Variants in CNTNAP3B observed in about 807,000 individuals in gnomAD.
CNTNAP3B encodes contactin-associated protein-like 3B.
Under a neutral mutation model 108.9 loss-of-function variants are expected in CNTNAP3B, and 25 were observed. That is an observed-to-expected ratio of 0.23 (90% CI 0.17 to 0.32). The LOEUF (loss-of-function observed/expected upper bound fraction) is 0.32. Ranked by LOEUF, CNTNAP3B falls within the 10% of genes least tolerant of loss-of-function variation. The probability of loss-of-function intolerance (pLI) is 1.00; values close to 1 mark genes in which losing one functional copy is unlikely to be tolerated. For synonymous variants in CNTNAP3B, 103 were observed against 473.4 expected, an observed-to-expected ratio of 0.22 and a Z score of 10.16; for missense variants, 252 against 1,210.4, an observed-to-expected ratio of 0.21 and a Z score of 11.75.
chr9:42,036,022 C>T (rs1347996646), intron 3 of CNTNAP3B, among the ~76,000 whole-genome samples: 14 of 147,248 alleles, frequency 9.5e-5, no homozygotes, highest in African/African-American at 2.3e-4. Context: ...GCAGGAGAAT[C>T]GCTTGAACCT....
At chr9:41,993,476 GA>G (rs1273829114) in intron 7 of CNTNAP3B, 1 of 109,992 alleles carries the variant, frequency 9.1e-6, no homozygotes, top group African/African-American at 3.6e-5. Flanking sequence ...TTCATGACAA[GA>G]AAACATTTGC....
chr9:42,064,310 C>T lies in CNTNAP3B; in HGVS notation c.390+12559G>A, dbSNP rs1300942432. Among the ~76,000 whole-genome samples, 3 of 147,484 alleles carry T rather than the reference C, an allele frequency of 2.0e-5. No homozygotes were observed. The East Asian group carries it at 6.0e-4, about 29-fold the overall frequency. Reference sequence around the variant, plus strand: ...TCAAGGTGGTGGCATCTGTGAAGGCCTTCTTGCTGTGTCATAACAAGGCAG... The same window carrying T: ...TCAAGGTGGTGGCATCTGTGAAGGCTTTCTTGCTGTGTCATAACAAGGCAG... On this transcript the variant is annotated intron_variant, in intron 3 of 23. Transcript: ENST00000377561.
intron 3 of CNTNAP3B, among the ~76,000 whole-genome samples, chr9:42,047,659 C>T (rs973221926): frequency 8.7e-5 from 1 of 11,554 alleles, no homozygotes; most frequent in African/African-American, 2.0e-4. Context: ...TTCCCCCCTC[C>T]CCCCTTCTGC....
intron 3 of CNTNAP3B, among the ~76,000 whole-genome samples, chr9:42,053,864 G>A (rs1351594673): frequency 1.4e-5 from 2 of 145,450 alleles, no homozygotes; most frequent in Admixed American, 6.8e-5. Flanking sequence ...TTTTGAGACA[G>A]CGATGCGCTG....
chr9:41,958,608 G>T lies in CNTNAP3B; in HGVS notation c.1876+2165C>A, dbSNP rs1316808779. 2.6e-5 allele frequency among the ~76,000 whole-genome samples: 4 copies of T among 151,898 alleles called. No homozygotes were observed. In the East Asian group the frequency reaches 5.8e-4, roughly 22 times the overall value. ...CCTCTGGGCTGTGACCTTCACAAGA[G>T]CTTCTCAGCCCTCCCTCCCATCACC... is the stretch of plus-strand genomic sequence containing the variant. On this transcript the variant is annotated intron_variant, in intron 12 of 23. Coordinates refer to ENST00000377561, the MANE Select transcript of CNTNAP3B (RefSeq NM_001201380.3).
intron 13 of CNTNAP3B, among the ~76,000 whole-genome samples, chr9:41,941,515 TA>T (rs1240266611): frequency 2.0e-5 from 3 of 150,014 alleles, no homozygotes; most frequent in African/African-American, 4.9e-5. Flanking sequence ...AATACACCCT[TA>T]AAAAAATGAG....
chr9:42,098,525 G>A lies in CNTNAP3B; in HGVS notation c.196+6104C>T, dbSNP rs564491488. Among the ~76,000 whole-genome samples, 22 of 92,688 alleles carry A rather than the reference G, an allele frequency of 2.4e-4. No homozygotes were observed. In the South Asian group the frequency reaches 7.8e-3, roughly 33 times the overall value. 60.8% of individuals were successfully genotyped at this position (92,688 alleles called of 152,430 possible). A position where few individuals can be genotyped will look rare whatever the true frequency, so the allele number is the denominator to read the frequency against. On this transcript the variant is annotated intron_variant, in intron 2 of 23. Transcript: ENST00000377561. ...ATGAACCTGGGAGGTGGAGCTTGCA[G>A]TGAGCAGAGATCATGCCACTGCACT...
intron 3 of CNTNAP3B, among the ~76,000 whole-genome samples, chr9:42,026,582 C>T (rs1426455117): frequency 1.1e-5 from 1 of 90,908 alleles, no homozygotes; most frequent in Non-Finnish European, 2.3e-5. Flanking sequence ...ACAGAGTGAG[C>T]CTCCGTCTCA....
intron 1 of CNTNAP3B, among the ~76,000 whole-genome samples, chr9:42,128,022 C>T (rs1564203080): frequency 7.2e-6 from 1 of 138,438 alleles, no homozygotes; most frequent in Non-Finnish European, 1.5e-5. Flanking sequence ...AGGCTGACAG[C>T]AGGGAGATGC....
At chr9:42,121,448 C>T (rs1828459539) in intron 1 of CNTNAP3B, among the ~76,000 whole-genome samples, 1 of 137,790 alleles carries the variant, frequency 7.3e-6, no homozygotes, top group Non-Finnish European at 1.5e-5. Flanking sequence ...AAATAAAATG[C>T]AATAGGAAAA....
chr9:42,050,232 G>A (rs1326792271), intron 3 of CNTNAP3B, among the ~76,000 whole-genome samples: 1 of 15,344 alleles, frequency 6.5e-5, no homozygotes, highest in African/African-American at 2.0e-4. Context: ...AAAATAAAGC[G>A]TATATAATTA....
chr9:41,925,992 C>T (rs1823808319), intron 15 of CNTNAP3B, among the ~76,000 whole-genome samples: 1 of 152,410 alleles, frequency 6.6e-6, no homozygotes, highest in Non-Finnish European at 1.5e-5. Flanking sequence ...CAGTAGTCAG[C>T]TAGGAAATAT....
intron 17 of CNTNAP3B, among the ~76,000 whole-genome samples, chr9:41,921,191 T>A (rs1823658344): frequency 6.6e-6 from 1 of 152,306 alleles, no homozygotes; most frequent in Non-Finnish European, 1.5e-5. Context: ...TGAATGCTGA[T>A]TCTAGGTGAA....
At chr9:42,016,909 C>T (rs1399432290) in intron 3 of CNTNAP3B, among the ~76,000 whole-genome samples, 3 of 151,510 alleles carry the variant, frequency 2.0e-5, no homozygotes, top group Non-Finnish European at 2.9e-5. Context: ...CATTCCTCTG[C>T]AATTTGTGTG....
At chr9:41,997,451 A>C in intron 6 of CNTNAP3B, 117 bp downstream of exon 6, 1 of 1,354,394 alleles carries the variant, frequency 7.4e-7, no homozygotes, top group South Asian at 1.4e-5. Flanking sequence ...GTACCGGGAC[A>C]GACATACCTA....
chr9:41,935,001 G>A (rs1824112498), intron 14 of CNTNAP3B, among the ~76,000 whole-genome samples: 1 of 152,278 alleles, frequency 6.6e-6, no homozygotes, highest in East Asian at 1.9e-4. Flanking sequence ...AAAACAACTT[G>A]TGGATTTTTG....
At chr9:42,103,224 A>T (rs1468433288) in intron 2 of CNTNAP3B, among the ~76,000 whole-genome samples, 2 of 145,518 alleles carry the variant, frequency 1.4e-5, no homozygotes, top group Non-Finnish European at 3.0e-5. Flanking sequence ...TAAAGTAACG[A>T]AACAGAGCCC....
chr9:41,917,328 C>A (rs2117919726), intron 18 of CNTNAP3B, among the ~76,000 whole-genome samples: 1 of 142,020 alleles, frequency 7.0e-6, no homozygotes, highest in South Asian at 2.3e-4. Flanking sequence ...TAACTCATTA[C>A]TCTCTTAGAG....
At chr9:41,926,934 T>A (rs2117985188) in intron 15 of CNTNAP3B, among the ~76,000 whole-genome samples, 1 of 152,426 alleles carries the variant, frequency 6.6e-6, no homozygotes, top group Admixed American at 6.5e-5. Flanking sequence ...TAGAAACCAG[T>A]GTTTGATGTC....
Sources: gnomAD v4.1 joint callset for allele counts (sites outside exome capture counted in the v4.1 genomes callset) on GRCh38, gnomAD v4.1.1 for gene constraint, MANE v1.5 for transcripts, NCBI Gene and HGNC (gene_info 2026-07-23, HGNC 2026-07-21) for gene names.